MUC5B: variants seen among roughly 807,000 people sequenced by gnomAD.
The protein encoded by MUC5B is mucin-5B.
MUC5B carries 116 observed loss-of-function variants against 376.9 expected under a neutral mutation model. The ratio of observed to expected loss-of-function variants is 0.31; its 90% confidence interval spans 0.26 to 0.36. The LOEUF (loss-of-function observed/expected upper bound fraction) is 0.36, where lower values mean the gene tolerates loss of function less well. Ranked by LOEUF, MUC5B falls within the 10% of genes least tolerant of loss-of-function variation. The pLI is 1.00. For missense variants in MUC5B, 7,165 were observed against 7,769.9 expected (o/e 0.92, Z 2.93); for synonymous variants, 3,517 against 3,390.9 (o/e 1.04, Z -1.29).
In MUC5B at chr11:1,254,803, G is replaced by C. The variant is rs2672788; in HGVS notation, c.15587G>C (p.Ser5196Thr). ...MRVDIPALGV[S>T]VTFNGQVFQA... ...GTGGACATTCCTGCCCTGGGCGTGA[G>C]CGTCACCTTCAATGGCCAAGTCTTC... Residue 5196 changes from serine (S) to threonine (T), a missense_variant, in exon 35 of 49, where the codon AGC becomes ACC. By Grantham distance (58) the Ser-to-Thr change is moderately conservative. This residue lies in a region of MUC5B where 842 missense variants were observed against 1,016.9 expected (regional missense o/e 0.83). Coordinates refer to ENST00000529681, the MANE Select transcript of MUC5B (RefSeq NM_002458.3). 6.2e-7 allele frequency: 1 copy of C among 1,612,766 alleles called. No homozygotes were observed. Among genetic ancestry groups the C allele is most frequent in the Non-Finnish European group, 8.5e-7 (1 of 1,179,808 alleles).
chr11:1,229,941 G>T, intron 10 of MUC5B, 64 bp from the exon 11 acceptor site: 1 of 1,556,430 alleles, frequency 6.4e-7, no homozygotes, highest in African/African-American at 1.4e-5. Flanking sequence ...CTGCGGTGGG[G>T]GTGTGGAGGG....
chr11:1,249,095 G>C lies in MUC5B; in HGVS notation c.12215G>C (p.Ser4072Thr). 1 of 1,609,082 alleles carries C rather than the reference G, an allele frequency of 6.2e-7. No homozygotes were observed. Among genetic ancestry groups the C allele is most frequent in the Non-Finnish European group, 8.5e-7 (1 of 1,179,046 alleles). ...CCAGCCCTGTCCAGCCCTCACCCTA[G>C]CAGCAGGACCACCGAGTCACCCCCT... The part of the protein sequence containing the change: ...STPALSSPHP[S>T]SRTTESPPSP... The change falls in exon 31 of 49, where the codon AGC becomes ACC. Residue 4072 changes from serine to threonine, a missense_variant. By Grantham distance (58) the Ser-to-Thr change is moderately conservative. Around this residue, in one of 31 missense-constraint regions of MUC5B, gnomAD observed 85 missense variants for 78.2 expected, o/e 1.09. Transcript: ENST00000529681.
chr11:1,259,448 C>T (rs1387201071), intron 44 of MUC5B: 3 of 519,126 alleles, frequency 5.8e-6, no homozygotes, highest in Non-Finnish European at 1.0e-5. Flanking sequence ...TTGTTTGTTT[C>T]CAAAGGGAGG....
At chr11:1,239,643 G>A (rs1862233638) in intron 27 of MUC5B, 77 bp downstream of exon 27, 3 of 1,508,532 alleles carry the variant, frequency 2.0e-6, no homozygotes, top group Admixed American at 2.1e-5. Flanking sequence ...GGGATCCCCA[G>A]GGACGCGGTG....
intron 3 of MUC5B, 104 bp downstream of exon 3, chr11:1,226,380 GC>G: frequency 7.0e-7 from 1 of 1,424,580 alleles, no homozygotes. Flanking sequence ...GGGCCGTTGG[GC>G]CAGACCCAGA....
Position 1,243,628 on chromosome 11 carries a change from C to A in MUC5B, c.6748C>A (p.Pro2250Thr). ...ATTGTTQHST[P>T]ALSSPHPSSR... ...CACCGGTACCACCCAGCACTCGACT[C>A]CAGCCCTTTCCAGCCCTCACCCTAG... The change falls in exon 31 of 49, where the codon CCA becomes ACA. Residue 2250 changes from proline (P) to threonine (T), a missense_variant. Physicochemically the swap from Pro to Thr is conservative, Grantham distance 38. Coordinates refer to ENST00000529681, the MANE Select transcript of MUC5B (RefSeq NM_002458.3). 2 of 1,610,692 alleles carry A rather than the reference C, an allele frequency of 1.2e-6. No individual in the cohort carries two copies. The highest frequency in any genetic ancestry group is 8.5e-7 in the Non-Finnish European group (1 of 1,179,196).
In MUC5B at chr11:1,241,811, C is replaced by A; in HGVS notation, c.4931C>A (p.Pro1644Gln). ...TSSPGLTRAP[P>Q]ASTTAVPTLS... ...AGCCCGGGGCTGACCAGGGCTCCCCCGGCCAGCACCACAGCAGTCCCCACC... is the reference window on the plus strand; with the variant it reads ...AGCCCGGGGCTGACCAGGGCTCCCCAGGCCAGCACCACAGCAGTCCCCACC... The change falls in exon 31 of 49, where the codon CCG (proline) becomes CAG (glutamine). Residue 1644 changes from proline to glutamine, a missense_variant. By Grantham distance (76) the Pro-to-Gln change is moderately conservative (BLOSUM62 -1). Coordinates refer to ENST00000529681, the MANE Select transcript of MUC5B (RefSeq NM_002458.3). The A allele has an allele frequency of 6.2e-7, 1 of 1,612,606 alleles. No individual in the cohort carries two copies. The highest frequency in any genetic ancestry group is 8.5e-7 in the Non-Finnish European group (1 of 1,179,326).
intron 18 of MUC5B, 126 bp downstream of exon 18, chr11:1,233,394 G>A: frequency 8.9e-7 from 1 of 1,121,764 alleles, no homozygotes; most frequent in Non-Finnish European, 1.2e-6. Flanking sequence ...GGGAGAGTGG[G>A]GCAGGGTGGA....
Position 1,248,727 on chromosome 11 carries a change from C to T in MUC5B, c.11847C>T (p.Thr3949=), listed in dbSNP as rs1181606745. The T allele has an allele frequency of 6.4e-7, 1 of 1,564,930 alleles. No individual in the cohort carries two copies. The highest frequency in any genetic ancestry group is 1.4e-5 in the African/African-American group (1 of 73,012). Residue 3949 remains threonine (T), a synonymous_variant, in exon 31 of 49, where the codon ACC becomes ACT. Coordinates refer to ENST00000529681, the MANE Select transcript of MUC5B (RefSeq NM_002458.3). ...GTGGTACTCCCCCATCACTGATCAC[C>T]ACGGCCACTACGATCACGGCCACCG... is the stretch of plus-strand genomic sequence containing the variant. ...QTSGTPPSLI[T]TATTITATGS...
rs772342643 is a variant in MUC5B at position 1,243,674 on chromosome 11, C to G, written c.6794C>G (p.Pro2265Arg). 3 of 1,611,580 alleles carry G rather than the reference C, an allele frequency of 1.9e-6. No individual in the cohort carries two copies. Among genetic ancestry groups the G allele is most frequent in the Non-Finnish European group, 2.5e-6 (3 of 1,179,590 alleles). Residue 2265 changes from proline (P) to arginine (R), a missense_variant, in exon 31 of 49, where the codon CCC becomes CGC. Physicochemically the swap from Pro to Arg is moderately radical, Grantham distance 103. Transcript: ENST00000529681. ...CCTAGCAGCAGAACCACCGAGTCAC[C>G]CCCTTCTCCAGGGACGACCACCCCG... ...PHPSSRTTES[P>R]PSPGTTTPGH...
At position 1,240,363 on chromosome 11, in the gene MUC5B, C is replaced by T. The variant is rs758094160; in HGVS notation, c.3958C>T (p.His1320Tyr). 1 of 1,598,082 alleles carries T rather than the reference C, an allele frequency of 6.3e-7. No individual in the cohort carries two copies. ...CACCTTCACCACCGCCTGGGTCCCCCACTCCACGACAAGTAAGCCCTGCCT... is the reference window on the plus strand; with the variant it reads ...CACCTTCACCACCGCCTGGGTCCCCTACTCCACGACAAGTAAGCCCTGCCT... ...PFTFTTAWVP[H>Y]STTSPALPVS... is the part of the protein sequence containing the mutation. The change falls in exon 30 of 49, where the codon CAC becomes TAC. Residue 1320 changes from histidine to tyrosine, a missense_variant. This residue lies in a region of MUC5B where 517 missense variants were observed against 545.3 expected (regional missense o/e 0.95). Coordinates refer to ENST00000529681, the MANE Select transcript of MUC5B (RefSeq NM_002458.3).
rs1564945411 is a variant in MUC5B, at chr11:1,247,495, A to T, written c.10615A>T (p.Thr3539Ser). The T allele has an allele frequency of 6.2e-7, 1 of 1,607,570 alleles. No homozygotes were observed. The highest frequency in any genetic ancestry group is 8.5e-7 in the Non-Finnish European group (1 of 1,177,480). Residue 3539 changes from threonine to serine, a missense_variant, in exon 31 of 49, where the codon ACC (threonine) becomes TCC (serine). Physicochemically the swap from Thr to Ser is moderately conservative, Grantham distance 58. This residue lies in a region of MUC5B where 939 missense variants were observed against 770.6 expected (regional missense o/e 1.22). Transcript: ENST00000529681. The part of the protein sequence containing the change: ...TPGHTRGTSR[T>S]TATATPSKTR... ...GGGCCACACCAGGGGCACCTCCAGG[A>T]CCACAGCCACAGCCACACCCAGCAA... is the stretch of plus-strand genomic sequence containing the variant.
At chr11:1,229,669 G>A in intron 9 of MUC5B, 21 bp from the exon 10 acceptor site, 1 of 1,540,276 alleles carries the variant, frequency 6.5e-7, no homozygotes, top group Non-Finnish European at 8.7e-7. Flanking sequence ...GGCCGGCCCT[G>A]CCTCACGCCG....
In MUC5B at chr11:1,249,152, C is replaced by G. The variant is rs199736618; in HGVS notation, c.12272C>G (p.Thr4091Arg). The change falls in exon 31 of 49, where the codon ACG (threonine) becomes AGG (arginine). Residue 4091 changes from threonine to arginine, a missense_variant. Transcript: ENST00000529681. The part of the protein sequence containing the change: ...SPGTTTPGHT[T>R]ATSRTTATAT... ...GGGACGACCACCCCGGGCCACACCA[C>G]GGCCACCTCCAGGACCACGGCCACG... is the stretch of plus-strand genomic sequence containing the variant. The G allele has an allele frequency of 0.025, 36,652 of 1,486,180 alleles. 1,725 individuals are homozygous for G. The highest frequency in any genetic ancestry group is 0.09 in the African/African-American group (5,873 of 64,968). The allele number at this position is 1,486,180 out of a possible 1,614,324, so 92.1% of individuals were successfully genotyped here.
intron 3 of MUC5B, 121 bp from the exon 4 acceptor site, chr11:1,226,494 G>A: frequency 7.2e-7 from 1 of 1,393,100 alleles, no homozygotes; most frequent in Non-Finnish European, 9.7e-7. Context: ...GAGCCAGGCA[G>A]GGCACAGCCA....
In MUC5B at chr11:1,241,886, C is replaced by A; in HGVS notation, c.5006C>A (p.Ala1669Asp). The A allele has an allele frequency of 6.2e-7, 1 of 1,612,348 alleles. No homozygotes were observed. Among genetic ancestry groups the A allele is most frequent in the Non-Finnish European group, 8.5e-7 (1 of 1,179,358 alleles). ...AGATACACAAGCACCCTTGGTACAGCCACCACGGGAGGCCCCACGACGCCT... is the reference window on the plus strand; with the variant it reads ...AGATACACAAGCACCCTTGGTACAGACACCACGGGAGGCCCCACGACGCCT... ...SPRYTSTLGT[A>D]TTGGPTTPAG... is the part of the protein sequence containing the mutation. Residue 1669 changes from alanine (A) to aspartate (D), a missense_variant, in exon 31 of 49, where the codon GCC becomes GAC. Ala to Asp is a moderately radical substitution (Grantham distance 126). Transcript: ENST00000529681.
intron 24 of MUC5B, 135 bp downstream of exon 24, chr11:1,236,697 C>A: frequency 8.9e-7 from 1 of 1,127,808 alleles, no homozygotes; most frequent in Non-Finnish European, 1.2e-6. Context: ...CTGCCTGTGG[C>A]CTCCACAGTG....
Position 1,249,164 on chromosome 11 carries a change from G to T in MUC5B, c.12284G>T (p.Arg4095Met), listed in dbSNP as rs769303262. The T allele has an allele frequency of 2.0e-5, 32 of 1,611,072 alleles. No individual in the cohort carries two copies. Among genetic ancestry groups the T allele is most frequent in the Non-Finnish European group, 2.7e-5 (32 of 1,179,458 alleles). ...CCGGGCCACACCACGGCCACCTCCA[G>T]GACCACGGCCACGGCCACACCCAGC... ...TTPGHTTATS[R>M]TTATATPSKT... Residue 4095 changes from arginine to methionine, a missense_variant, in exon 31 of 49, where the codon AGG becomes ATG. Arg to Met is a moderately conservative substitution (Grantham distance 91). Coordinates refer to ENST00000529681, the MANE Select transcript of MUC5B (RefSeq NM_002458.3).
chr11:1,243,750 G>C lies in MUC5B; in HGVS notation c.6870G>C (p.Lys2290Asn). The C allele has an allele frequency of 6.2e-7, 1 of 1,611,552 alleles. No homozygotes were observed. ...SRTTATATPS[K>N]TRTSTLLPSS... ...CCACAGCCACGGCCACACCCAGCAAGACCCGCACCTCGACCCTGCTGCCCA... is the reference window on the plus strand; with the variant it reads ...CCACAGCCACGGCCACACCCAGCAACACCCGCACCTCGACCCTGCTGCCCA... Residue 2290 changes from lysine to asparagine, a missense_variant, in exon 31 of 49, where the codon AAG becomes AAC. Lys to Asn is a moderately conservative substitution (Grantham distance 94). Transcript: ENST00000529681.
Sources: gnomAD v4.1 joint callset for allele counts on GRCh38, gnomAD v4.1.1 for gene constraint, gnomAD v4.1.1 regional missense constraint, MANE v1.5 for transcripts, NCBI Gene and HGNC (gene_info 2026-07-23, HGNC 2026-07-21) for gene names.